Variants in DISC1 observed in about 807,000 individuals in gnomAD.
DISC1 encodes the protein DISC1 scaffold protein.
DISC1 carries 57 observed loss-of-function variants against 84.5 expected under a neutral mutation model. That is an observed-to-expected ratio of 0.67 (90% CI 0.55 to 0.84). The LOEUF (loss-of-function observed/expected upper bound fraction) is 0.84. DISC1 is among the 40% of genes least tolerant of loss of function. DISC1 has a pLI of 0.00. For synonymous variants in DISC1, 411 were observed against 415.2 expected (o/e 0.99, Z 0.12); for missense variants, 1,000 against 1,057.8 (o/e 0.95, Z 0.76).
Position 231,770,952 on chromosome 1 carries a change from C to G in DISC1, c.1516C>G (p.Pro506Ala), listed in dbSNP as rs150294573. The G allele has an allele frequency of 6.2e-7, 1 of 1,613,962 alleles. No individual in the cohort carries two copies. Among genetic ancestry groups the G allele is most frequent in the Non-Finnish European group, 8.5e-7 (1 of 1,179,990 alleles). Residue 506 changes from proline (P) to alanine (A), a missense_variant, in exon 6 of 13, where the codon CCA (proline) becomes GCA (alanine). Physicochemically the swap from Pro to Ala is conservative, Grantham distance 27. Coordinates refer to ENST00000439617, the MANE Select transcript of DISC1 (RefSeq NM_018662.3). Reference protein sequence around the residue: ...QLQWQGCDLTPLVGQLSLGQL... With the variant: ...QLQWQGCDLTALVGQLSLGQL... Reference sequence around the variant, plus strand: ...CCAGTGGCAGGGCTGCGACCTGACCCCACTGGTGGGCCAGCTGTCCCTGGG... The same window carrying G: ...CCAGTGGCAGGGCTGCGACCTGACCGCACTGGTGGGCCAGCTGTCCCTGGG...
chr1:231,723,841 C>T (rs1002580325), intron 3 of DISC1: 5 of 985,378 alleles, frequency 5.1e-6, no homozygotes, highest in Non-Finnish European at 4.8e-6. Context: ...GTGGGGTGGG[C>T]TACATCTTCT....
chr1:231,724,504 C>T lies in DISC1; in HGVS notation c.1117+22480C>T, dbSNP rs548645456. On this transcript the variant is annotated intron_variant, in intron 3 of 12. Coordinates refer to ENST00000439617, the MANE Select transcript of DISC1 (RefSeq NM_018662.3). ...CCCTTCACCCAGGAGAGGGAACCAG[C>T]GTACAATAACCGCTGTGCTGCAGGA... Among the ~76,000 whole-genome samples, 54 of 152,282 alleles carry T rather than the reference C, an allele frequency of 3.5e-4. 1 individual carries two copies. The highest frequency in any genetic ancestry group is 1.1e-3 in the African/African-American group (45 of 41,566).
intron 9 of DISC1, among the ~76,000 whole-genome samples, chr1:231,863,220 CTTTTTTTTTTTTTTTTTT>C (rs533463099): frequency 9.1e-5 from 5 of 54,770 alleles, no homozygotes; most frequent in African/African-American, 3.8e-4. Flanking sequence ...ATAAAATGTT[CTTTTTTTTTTTTTTTTTT>C]TTTTTTTTTT....
chr1:231,974,753 C>T (rs1285258240), intron 10 of DISC1, among the ~76,000 whole-genome samples: 1 of 152,116 alleles, frequency 6.6e-6, no homozygotes, highest in Non-Finnish European at 1.5e-5. Context: ...ATCAATAATA[C>T]CAATCTATAT....
intron 1 of DISC1, among the ~76,000 whole-genome samples, chr1:231,635,450 C>T (rs371942458): frequency 6.6e-6 from 1 of 151,938 alleles, no homozygotes. Flanking sequence ...TCAGCCTTCC[C>T]TGGTTCTCTG....
chr1:231,802,313 A>G (rs1252578903), intron 8 of DISC1, among the ~76,000 whole-genome samples: 2 of 152,130 alleles, frequency 1.3e-5, no homozygotes, highest in East Asian at 1.9e-4. Context: ...ATGAGATCTG[A>G]TGGTTTAACA....
intron 9 of DISC1, among the ~76,000 whole-genome samples, chr1:231,928,541 G>A (rs1002843641): frequency 7.9e-5 from 12 of 152,010 alleles, no homozygotes; most frequent in Non-Finnish European, 2.9e-5. Context: ...AGGGTTTTTC[G>A]TGTCTCTTAT....
At chr1:231,729,423 T>C (rs1303476139) in intron 3 of DISC1, among the ~76,000 whole-genome samples, 1 of 152,232 alleles carries the variant, frequency 6.6e-6, no homozygotes, top group Non-Finnish European at 1.5e-5. Context: ...TATAGAGGCA[T>C]ATTGGAGTCC....
chr1:231,839,632 G>T (rs962272868), intron 9 of DISC1, among the ~76,000 whole-genome samples: 2 of 152,112 alleles, frequency 1.3e-5, no homozygotes, highest in African/African-American at 2.4e-5. Flanking sequence ...TATTACAGTT[G>T]TGTTAGTCTG....
At chr1:231,679,403 GCTAT>G (rs943099235) in intron 1 of DISC1, among the ~76,000 whole-genome samples, 1 of 152,198 alleles carries the variant, frequency 6.6e-6, no homozygotes, top group African/African-American at 2.4e-5. Context: ...TTAAGTGATA[GCTAT>G]CTGAGAGGAG....
Position 231,823,760 on chromosome 1 carries a change from A to G in DISC1, c.1981+5243A>G, listed in dbSNP as rs137991420. Among the ~76,000 whole-genome samples, 25 of 152,318 alleles carry G rather than the reference A, an allele frequency of 1.6e-4. No individual in the cohort carries two copies. The East Asian group carries it at 4.6e-3, about 28-fold the overall frequency. Reference sequence around the variant, plus strand: ...TTATCACCCAGGTGATAAGCATGTTATCCGATGGTTGTGACCAACTACCTC... The same window carrying G: ...TTATCACCCAGGTGATAAGCATGTTGTCCGATGGTTGTGACCAACTACCTC... On this transcript the variant is annotated intron_variant, in intron 9 of 12. Transcript: ENST00000439617.
chr1:231,660,463 A>C (rs568762207), intron 1 of DISC1, among the ~76,000 whole-genome samples: 71 of 151,122 alleles, frequency 4.7e-4, no homozygotes, highest in Admixed American at 7.2e-4. Flanking sequence ...ATTTAGCCCA[A>C]AAAAAAAATA....
At chr1:231,929,688 G>A (rs2090542510) in intron 9 of DISC1, among the ~76,000 whole-genome samples, 1 of 152,342 alleles carries the variant, frequency 6.6e-6, no homozygotes, top group East Asian at 1.9e-4. Context: ...GGGTCATGAA[G>A]CCCACTGTGG....
intron 6 of DISC1, among the ~76,000 whole-genome samples, chr1:231,782,555 C>T (rs941882663): frequency 9.2e-5 from 14 of 152,092 alleles, no homozygotes; most frequent in South Asian, 6.2e-4. Context: ...GAAAGTACAA[C>T]GTTTTTGGCA....
At chr1:232,019,845 C>T (rs531997701) in intron 11 of DISC1, among the ~76,000 whole-genome samples, 1 of 152,222 alleles carries the variant, frequency 6.6e-6, no homozygotes, top group South Asian at 2.1e-4. Flanking sequence ...CATTGCATTC[C>T]AGATTGTCAT....
chr1:231,894,595 T>G (rs886888278), intron 9 of DISC1, among the ~76,000 whole-genome samples: 2 of 152,274 alleles, frequency 1.3e-5, no homozygotes, highest in African/African-American at 4.8e-5. Flanking sequence ...TTAAAAAGTT[T>G]TGTTCTGTAG....
intron 9 of DISC1, among the ~76,000 whole-genome samples, chr1:231,917,909 G>A (rs926515417): frequency 2.0e-5 from 3 of 151,508 alleles, no homozygotes; most frequent in African/African-American, 7.3e-5. Context: ...ATTCAACGTG[G>A]AGATCTGGAA....
chr1:231,879,816 A>T (rs2086163741), intron 9 of DISC1, among the ~76,000 whole-genome samples: 1 of 152,180 alleles, frequency 6.6e-6, no homozygotes, highest in South Asian at 2.1e-4. Flanking sequence ...GGAGGTGTGG[A>T]TCATAATTCT....
intron 12 of DISC1, among the ~76,000 whole-genome samples, chr1:232,034,955 C>T (rs1670382505): frequency 6.6e-6 from 1 of 152,018 alleles, no homozygotes; most frequent in South Asian, 2.1e-4. Context: ...GATCACCCTC[C>T]TACCCAACTC....
Sources: gnomAD v4.1 joint callset for allele counts (sites outside exome capture counted in the v4.1 genomes callset) on GRCh38, gnomAD v4.1.1 for gene constraint, MANE v1.5 for transcripts, NCBI Gene and HGNC (gene_info 2026-07-23, HGNC 2026-07-21) for gene names.